Variants in SPTBN1 observed in about 807,000 individuals in gnomAD.
SPTBN1 encodes the protein spectrin beta, non-erythrocytic 1.
SPTBN1 carries 32 observed loss-of-function variants against 266.4 expected under a neutral mutation model. The observed-to-expected ratio is 0.12, with a 90% CI of 0.09 to 0.16. The LOEUF is 0.16. Ranked by LOEUF, SPTBN1 falls within the 10% of genes least tolerant of loss-of-function variation. The pLI is 1.00. For synonymous variants in SPTBN1, 1,336 were observed against 1,162.2 expected, an observed-to-expected ratio of 1.15 and a Z score of -3.04; for missense variants, 2,296 against 3,067.1, an observed-to-expected ratio of 0.75 and a Z score of 5.94.
intron 2 of SPTBN1, among the ~76,000 whole-genome samples, chr2:54,562,065 T>A (rs757523773): frequency 6.6e-6 from 1 of 152,210 alleles, no homozygotes. Flanking sequence ...AATTAAGTTA[T>A]CACTTTCCTC....
chr2:54,656,097 T>C (rs1680635055), intron 29 of SPTBN1, 99 bp downstream of exon 29: 1 of 1,078,266 alleles, frequency 9.3e-7, no homozygotes, highest in Non-Finnish European at 1.3e-6. Flanking sequence ...ATTTAAAGAT[T>C]GTTCGAGTTG....
intron 29 of SPTBN1, among the ~76,000 whole-genome samples, chr2:54,657,383 C>T (rs1572769436): frequency 1.3e-5 from 2 of 152,306 alleles, no homozygotes; most frequent in Admixed American, 6.5e-5. Context: ...GAAGTGGGGC[C>T]GAGTGAACAG....
At chr2:54,614,913 A>G (rs1353170867) in intron 4 of SPTBN1, among the ~76,000 whole-genome samples, 14 of 152,192 alleles carry the variant, frequency 9.2e-5, no homozygotes, top group Non-Finnish European at 4.4e-5. Flanking sequence ...CCATATGGGC[A>G]AATCTGGAAA....
Position 54,558,512 on chromosome 2 carries a change from C to G in SPTBN1, c.148+31946C>G, listed in dbSNP as rs1673037536. On this transcript the variant is annotated intron_variant, in intron 2 of 35. Transcript: ENST00000356805. The surrounding 1 kb of genome is among the most constrained non-coding windows in gnomAD (Gnocchi z 4.6). Reference sequence around the variant, plus strand: ...CTCCTCTCTGCTTCTCCCTCCTCCTCAGTAATTTATTTCGAGCTTCCAGGC... The same window carrying G: ...CTCCTCTCTGCTTCTCCCTCCTCCTGAGTAATTTATTTCGAGCTTCCAGGC... The G allele has an allele frequency of 2.4e-6, 3 of 1,226,198 alleles. No homozygotes were observed. Among genetic ancestry groups the G allele is most frequent in the Non-Finnish European group, 3.1e-6 (3 of 979,714 alleles). The allele number at this position is 1,226,198 out of a possible 1,614,324, so 76.0% of individuals were successfully genotyped here.
At chr2:54,552,770 A>T (rs1481135427) in intron 2 of SPTBN1, among the ~76,000 whole-genome samples, 1 of 152,198 alleles carries the variant, frequency 6.6e-6, no homozygotes, top group South Asian at 2.1e-4. Context: ...TCTGCTTTTA[A>T]CCACTTTTTC....
In SPTBN1 at chr2:54,502,125, C is replaced by G. The variant is rs1669304035; in HGVS notation, c.-47-24247C>G. Reference sequence around the variant, plus strand: ...TCAAATAATTCACTCATTCCTTTCCCCAAACACACTGGCCTTTGAAATGAC... The same window carrying G: ...TCAAATAATTCACTCATTCCTTTCCGCAAACACACTGGCCTTTGAAATGAC... On this transcript the variant is annotated intron_variant, in intron 1 of 35. Transcript: ENST00000356805. Among the ~76,000 whole-genome samples, 3 of 152,292 alleles carry G rather than the reference C, an allele frequency of 2.0e-5. No individual in the cohort carries two copies. In the South Asian group the frequency reaches 6.2e-4, roughly 32 times the overall value.
intron 3 of SPTBN1, among the ~76,000 whole-genome samples, chr2:54,601,208 C>T (rs1017853958): frequency 1.3e-5 from 2 of 152,148 alleles, no homozygotes; most frequent in Non-Finnish European, 2.9e-5. Context: ...TGTAAAGCCC[C>T]TAGTGCCTTC....
intron 4 of SPTBN1, among the ~76,000 whole-genome samples, chr2:54,614,073 T>G (rs924724364): frequency 1.3e-5 from 2 of 152,230 alleles, no homozygotes; most frequent in African/African-American, 4.8e-5. Context: ...ATTCAACTTG[T>G]AAATGCTGAT....
chr2:54,556,237 C>T (rs1319173078), intron 2 of SPTBN1, among the ~76,000 whole-genome samples: 1 of 152,174 alleles, frequency 6.6e-6, no homozygotes, highest in East Asian at 1.9e-4. Flanking sequence ...AATGGATTCC[C>T]ATTTCTTACT....
chr2:54,516,229 G>C (rs1181435105), intron 1 of SPTBN1: 1 of 152,094 alleles, frequency 6.6e-6, no homozygotes, highest in Non-Finnish European at 1.5e-5. Flanking sequence ...GCCACCACCA[G>C]CAAAACTTTA....
At chr2:54,516,104 C>T (rs1309959453) in intron 1 of SPTBN1, 1 of 151,954 alleles carries the variant, frequency 6.6e-6, no homozygotes, top group East Asian at 1.9e-4. Context: ...TGACATAGAC[C>T]ACTATTAAAG....
In SPTBN1 at chr2:54,661,626, CAAA is replaced by C; in HGVS notation, c.6420+1632_6420+1634del. ...AAAACACATCAAAATTCATTTTAGA[CAAA>C]AAAACTTCTGCTTTGTCTTTGGTCA... On this transcript the variant is annotated intron_variant, in intron 32 of 35. Coordinates refer to ENST00000356805, the MANE Select transcript of SPTBN1 (RefSeq NM_003128.3). 4 of 985,704 alleles carry C rather than the reference CAAA, an allele frequency of 4.1e-6. No homozygotes were observed. The South Asian group carries it at 1.9e-4, about 46-fold the overall frequency. The allele number at this position is 985,704 out of a possible 1,614,324, so 61.1% of individuals were successfully genotyped here. A position where few individuals can be genotyped will look rare whatever the true frequency, so the allele number is the denominator to read the frequency against.
intron 11 of SPTBN1, 33 bp downstream of exon 11, chr2:54,624,995 G>A (rs943121577): frequency 1.0e-5 from 16 of 1,543,032 alleles, no homozygotes; most frequent in Non-Finnish European, 1.4e-5. Flanking sequence ...AAAGACTGTT[G>A]CTAGGGTAAT....
chr2:54,505,153 C>A (rs1301925143), intron 1 of SPTBN1, among the ~76,000 whole-genome samples: 1 of 152,116 alleles, frequency 6.6e-6, no homozygotes, highest in African/African-American at 2.4e-5. Flanking sequence ...CCTTGGGAAC[C>A]AAGTTTTGCA....
chr2:54,587,138 A>G (rs1558871685), intron 2 of SPTBN1, among the ~76,000 whole-genome samples: 1 of 152,182 alleles, frequency 6.6e-6, no homozygotes, highest in African/African-American at 2.4e-5. Flanking sequence ...AAACATCACA[A>G]ATTTGAATTC....
chr2:54,616,315 A>AG lies in SPTBN1; in HGVS notation c.566+20dup, dbSNP rs758079158. 3.7e-6 allele frequency: 6 copies of AG among 1,610,792 alleles called. No individual in the cohort carries two copies. The highest frequency in any genetic ancestry group is 5.1e-6 in the Non-Finnish European group (6 of 1,177,398). ...GACAGCTGGGTGAGTGTGAATGAAG[A>AG]GGGTATTGGGGCTGCTTCTTCCAGG... On this transcript the variant is annotated intron_variant, in intron 5 of 35. Coordinates refer to ENST00000356805, the MANE Select transcript of SPTBN1 (RefSeq NM_003128.3).
At chr2:54,605,490 A>G (rs372846266) in intron 3 of SPTBN1, among the ~76,000 whole-genome samples, 16 of 152,366 alleles carry the variant, frequency 1.1e-4, no homozygotes, top group South Asian at 8.3e-4. Flanking sequence ...ACAGTTGTCA[A>G]CCACCTAGCA....
intron 2 of SPTBN1, among the ~76,000 whole-genome samples, chr2:54,531,552 T>A (rs1430872978): frequency 1.3e-5 from 2 of 152,024 alleles, no homozygotes; most frequent in Non-Finnish European, 2.9e-5. Flanking sequence ...GCCTCTTGAG[T>A]AGCTGGGACT....
chr2:54,661,112 ATCT>A, intron 32 of SPTBN1: 6 of 985,382 alleles, frequency 6.1e-6, no homozygotes, highest in Middle Eastern at 5.2e-4. Flanking sequence ...TCTTGGATTA[ATCT>A]TCTGATTCAT....
Sources: gnomAD v4.1 joint callset for allele counts (sites outside exome capture counted in the v4.1 genomes callset) on GRCh38, gnomAD v4.1.1 for gene constraint, Gnocchi (gnomAD v3.1) non-coding constraint, MANE v1.5 for transcripts, NCBI Gene and HGNC (gene_info 2026-07-23, HGNC 2026-07-21) for gene names.